The following PPL variants were observed in gnomAD, a reference collection of about 807,000 sequenced individuals.
PPL encodes 190 kDa paraneoplastic pemphigus antigen.
A neutral mutation model predicts 194.4 loss-of-function variants in PPL; 198 were observed. The ratio of observed to expected loss-of-function variants is 1.02; its 90% CI spans 0.91 to 1.15. The LOEUF (loss-of-function observed/expected upper bound fraction) is 1.15, where lower values mean the gene tolerates loss of function less well. Ranked by LOEUF, PPL falls within the 50% of genes most tolerant of loss-of-function variation. The pLI is 0.00. For synonymous variants in PPL, 1,220 were observed against 972.4 expected (o/e 1.25, Z -4.74); for missense variants, 2,885 against 2,294.8 (o/e 1.26, Z -5.25).
rs1351222331 is a variant in PPL, at chr16:4,883,832, T to A, written c.4823A>T (p.His1608Leu). The A allele has an allele frequency of 1.2e-6, 2 of 1,614,130 alleles. No individual in the cohort carries two copies. The highest frequency in any genetic ancestry group is 3.3e-5 in the Admixed American group (2 of 60,028). The change falls in exon 22 of 22, where the codon CAT becomes CTT. Residue 1608 changes from histidine (H) to leucine (L), a missense_variant. His to Leu is a moderately conservative substitution (Grantham distance 99). Coordinates refer to ENST00000345988, the MANE Select transcript of PPL (RefSeq NM_002705.5). This position sits in a 1 kb window ranked among gnomAD's most constrained non-coding sequence, Gnocchi z 4.8. ...CTCCAGGGACCACAGTCTGGAGTCA[T>A]GGTTGGTCCCAGAGTCCGCCACGGT... ...NMTVADSGTNHDSRLWSLERE... is the reference protein window; with the variant it reads ...NMTVADSGTNLDSRLWSLERE...
At position 4,895,350 on chromosome 16, in the gene PPL, C is replaced by T; in HGVS notation, c.1153G>A (p.Gly385Ser). Reference sequence around the variant, plus strand: ...TACTTGAGGGGCACCACCTGCTGGCCTCGCTTCTGCAGCCCCTGCACCACG... The same window carrying T: ...TACTTGAGGGGCACCACCTGCTGGCTTCGCTTCTGCAGCCCCTGCACCACG... Reference protein sequence around the residue: ...EDVVQGLQKRGQQVVPLKYRR... With the variant: ...EDVVQGLQKRSQQVVPLKYRR... Residue 385 changes from glycine to serine, a missense_variant, in exon 11 of 22, where the codon GGC (glycine) becomes AGC (serine). Gly to Ser is a moderately conservative substitution (Grantham distance 56, BLOSUM62 0). Transcript: ENST00000345988. 6.2e-7 allele frequency: 1 copy of T among 1,613,414 alleles called. No individual in the cohort carries two copies. Among genetic ancestry groups the T allele is most frequent in the East Asian group, 2.2e-5 (1 of 44,868 alleles).
At chr16:4,931,564 C>T (rs776514375) in intron 1 of PPL, among the ~76,000 whole-genome samples, 9 of 152,294 alleles carry the variant, frequency 5.9e-5, no homozygotes, top group Non-Finnish European at 1.3e-4. Flanking sequence ...GCTCCCAAGA[C>T]AGGCCGGGGC....
Position 4,902,285 on chromosome 16 carries a change from G to T in PPL, c.438+121C>A. On this transcript the variant is annotated intron_variant, in intron 4 of 21. Transcript: ENST00000345988. The surrounding 1 kb of genome is among the most constrained non-coding windows in gnomAD (Gnocchi z 4.0). The stretch of plus-strand genomic sequence containing the variant: ...CATGGGCACACTGGAAAACCATCAG[G>T]ACCACGACTGTCTCCCTGGTAAGAC... The T allele has an allele frequency of 6.8e-7, 1 of 1,464,404 alleles. No individual in the cohort carries two copies. The highest frequency in any genetic ancestry group is 2.3e-5 in the East Asian group (1 of 43,058). The allele number at this position is 1,464,404 out of a possible 1,614,324, so 90.7% of individuals were successfully genotyped here.
In PPL at chr16:4,885,163, C is replaced by G. The variant is rs2088191674; in HGVS notation, c.3492G>C (p.Glu1164Asp). Residue 1164 changes from glutamate (E) to aspartate (D), a missense_variant, in exon 22 of 22, where the codon GAG becomes GAC. Transcript: ENST00000345988. The surrounding 1 kb of genome is among the most constrained non-coding windows in gnomAD (Gnocchi z 6.3). ...LLRKIWALEE[E>D]NAKVVVQEKV... is the part of the protein sequence containing the mutation. The stretch of plus-strand genomic sequence containing the variant: ...TCTCCTGCACCACCACTTTGGCGTT[C>G]TCCTCCTCCAAGGCCCATATCTTTC... The G allele has an allele frequency of 6.2e-7, 1 of 1,613,878 alleles. No homozygotes were observed. Among genetic ancestry groups the G allele is most frequent in the Non-Finnish European group, 8.5e-7 (1 of 1,179,878 alleles).
At position 4,899,346 on chromosome 16, in the gene PPL, C is replaced by T; in HGVS notation, c.645G>A (p.Leu215=). 6.2e-7 allele frequency: 1 copy of T among 1,611,826 alleles called. No individual in the cohort carries two copies. The highest frequency in any genetic ancestry group is 8.5e-7 in the Non-Finnish European group (1 of 1,179,036). ...TGGTGCAGCGCTGCATGTAGTCCTG[C>T]AGCGAACTCAGGTGCTGCTGCCGGG... ...SQARQQHLSS[L]QDYMQRCTNE... The change falls in exon 7 of 22, where the codon CTG becomes CTA. Residue 215 remains leucine, a synonymous_variant. Coordinates refer to ENST00000345988, the MANE Select transcript of PPL (RefSeq NM_002705.5).
intron 19 of PPL, 36 bp from the exon 20 acceptor site, chr16:4,888,254 A>G (rs1452629044): frequency 6.9e-7 from 1 of 1,442,998 alleles, no homozygotes; most frequent in South Asian, 1.1e-5. Context: ...GGGGAGATTA[A>G]AACAGCTGAG....
chr16:4,895,564 G>C (rs1001793509), intron 10 of PPL, 30 bp downstream of exon 10: 1 of 1,613,292 alleles, frequency 6.2e-7, no homozygotes, highest in African/African-American at 1.3e-5. Context: ...CCGCCCCCCG[G>C]GCCAGCAGGG....
intron 13 of PPL, 40 bp downstream of exon 13, chr16:4,893,501 G>A (rs368308407): frequency 3.1e-5 from 49 of 1,605,238 alleles, no homozygotes; most frequent in Middle Eastern, 1.6e-4. Context: ...CCTCCTCCCC[G>A]GTACCCCCAG....
rs938338574 is a variant in PPL at position 4,910,116 on chromosome 16, G to A, written c.162+734C>T. 3.3e-5 allele frequency among the ~76,000 whole-genome samples: 5 copies of A among 152,274 alleles called. No individual in the cohort carries two copies. The South Asian group carries it at 1.0e-3, about 32-fold the overall frequency. On this transcript the variant is annotated intron_variant, in intron 2 of 21. Coordinates refer to ENST00000345988, the MANE Select transcript of PPL (RefSeq NM_002705.5). ...TCCAGCGGCTCGTGAGTCCCTCAGG[G>A]TACAGAGGCTTCATGCCGTTGAGTC...
Position 4,902,438 on chromosome 16 carries a change from C to T in PPL, c.406G>A (p.Val136Ile). Residue 136 changes from valine (V) to isoleucine (I), a missense_variant, in exon 4 of 22, where the codon GTC becomes ATC. Physicochemically the swap from Val to Ile is conservative, Grantham distance 29. Transcript: ENST00000345988. This position sits in a 1 kb window ranked among gnomAD's most constrained non-coding sequence, Gnocchi z 4.0. Reference sequence around the variant, plus strand: ...TCCTCCACCAGTGCCGCCCAGTTGACCTGTGGATCCACTTCCTTCACCGCC... The same window carrying T: ...TCCTCCACCAGTGCCGCCCAGTTGATCTGTGGATCCACTTCCTTCACCGCC... ...RLAVKEVDPQ[V>I]NWAALVEEKL... The T allele has an allele frequency of 6.2e-7, 1 of 1,614,134 alleles. No individual in the cohort carries two copies. The highest frequency in any genetic ancestry group is 8.5e-7 in the Non-Finnish European group (1 of 1,179,982).
chr16:4,895,228 AGTGAT>A, intron 11 of PPL, 28 bp downstream of exon 11: 1 of 1,564,768 alleles, frequency 6.4e-7, no homozygotes. Flanking sequence ...AAAACTTTGT[AGTGAT>A]GTGAACAGAG....
chr16:4,925,463 C>T (rs975942508), intron 1 of PPL, among the ~76,000 whole-genome samples: 16 of 152,206 alleles, frequency 1.1e-4, no homozygotes, highest in African/African-American at 3.9e-4. Flanking sequence ...CGTCTCATAG[C>T]CCTAGGAAGT....
chr16:4,901,652 G>C (rs892557061), intron 4 of PPL, among the ~76,000 whole-genome samples: 1 of 151,354 alleles, frequency 6.6e-6, no homozygotes. Flanking sequence ...TCATGCCACT[G>C]CATTCCAGCC....
At chr16:4,886,762 G>A (rs2088226405) in intron 21 of PPL, among the ~76,000 whole-genome samples, 1 of 152,182 alleles carries the variant, frequency 6.6e-6, no homozygotes, top group African/African-American at 2.4e-5. Context: ...GGGATTACAA[G>A]CATGCGCCAC....
chr16:4,888,524 C>T (rs756913280), intron 19 of PPL, among the ~76,000 whole-genome samples: 1 of 152,174 alleles, frequency 6.6e-6, no homozygotes, highest in Non-Finnish European at 1.5e-5. Context: ...CTTTTAACAT[C>T]GTACCATAAC....
Position 4,884,615 on chromosome 16 carries a change from T to A in PPL, c.4040A>T (p.Lys1347Met). 1.2e-6 allele frequency: 2 copies of A among 1,614,142 alleles called. No individual in the cohort carries two copies. Among genetic ancestry groups the A allele is most frequent in the Non-Finnish European group, 8.5e-7 (1 of 1,180,022 alleles). The change falls in exon 22 of 22, where the codon AAG becomes ATG. Residue 1347 changes from lysine (K) to methionine (M), a missense_variant. Physicochemically the swap from Lys to Met is moderately conservative, Grantham distance 95 (BLOSUM62 -1). Coordinates refer to ENST00000345988, the MANE Select transcript of PPL (RefSeq NM_002705.5). This position sits in a 1 kb window ranked among gnomAD's most constrained non-coding sequence, Gnocchi z 5.7. ...ARKEEELSRVKERVVQQEVVR... is the reference protein window; with the variant it reads ...ARKEEELSRVMERVVQQEVVR... Reference sequence around the variant, plus strand: ...CACCTCCTGCTGCACCACCCTTTCCTTCACCCGCGAGAGCTCCTCCTCTTT... The same window carrying A: ...CACCTCCTGCTGCACCACCCTTTCCATCACCCGCGAGAGCTCCTCCTCTTT...
chr16:4,884,571 GCTC>G lies in PPL; in HGVS notation c.4081_4083del (p.Glu1361del), dbSNP rs1190708713. The G allele has an allele frequency of 1.9e-6, 3 of 1,613,944 alleles. No homozygotes were observed. The highest frequency in any genetic ancestry group is 2.5e-6 in the Non-Finnish European group (3 of 1,179,984). ...GCGCTCGCCTCGGCCCGCAGGCCTG[GCTC>G]CTCCTCATACCTGACCACCTCCTGC... On this transcript the variant is annotated inframe_deletion, in exon 22 of 22. Transcript: ENST00000345988. This position sits in a 1 kb window ranked among gnomAD's most constrained non-coding sequence, Gnocchi z 5.7.
chr16:4,890,617 C>G, intron 17 of PPL, 111 bp downstream of exon 17: 1 of 1,326,362 alleles, frequency 7.5e-7, no homozygotes, highest in East Asian at 2.5e-5. Context: ...CTGACGAACT[C>G]ACCAAAAAGA....
chr16:4,920,793 G>A (rs2089034542), intron 1 of PPL, among the ~76,000 whole-genome samples: 4 of 152,064 alleles, frequency 2.6e-5, no homozygotes, highest in Admixed American at 2.6e-4. Flanking sequence ...TGTAGACATG[G>A]AGTCTCTCTC....
Sources: allele counts gnomAD v4.1 joint callset (sites outside exome capture counted in the v4.1 genomes callset), GRCh38; gene constraint gnomAD v4.1.1; non-coding constraint Gnocchi (gnomAD v3.1); transcripts MANE v1.5; gene names NCBI Gene and HGNC (gene_info 2026-07-23, HGNC 2026-07-21).